ABCA13: variants seen among roughly 807,000 people sequenced by gnomAD.
ABCA13 encodes the protein ATP binding cassette subfamily A member 13.
In ABCA13, 476 loss-of-function variants were observed where a neutral mutation model predicts 478.7. That is an observed-to-expected ratio of 0.99 (90% confidence interval 0.92 to 1.07). The LOEUF (loss-of-function observed/expected upper bound fraction) is 1.07. Among genes scored for constraint, ABCA13 ranks in the 50% least tolerant of loss-of-function variants. The probability of loss-of-function intolerance (pLI) is 0.00; values close to 1 mark genes in which losing one functional copy is unlikely to be tolerated. For synonymous variants in ABCA13, 2,252 were observed against 2,158.9 expected (o/e 1.04, Z -1.20); for missense variants, 6,060 against 5,910.6 (o/e 1.03, Z -0.83).
intron 15 of ABCA13, among the ~76,000 whole-genome samples, chr7:48,259,712 A>G (rs1437933318): frequency 9.2e-6 from 1 of 108,806 alleles, no homozygotes; most frequent in Non-Finnish European, 1.8e-5. Flanking sequence ...TGATCTATAT[A>G]CTTAAGTGTT....
chr7:48,500,330 C>T (rs1022873036), intron 48 of ABCA13, among the ~76,000 whole-genome samples: 10 of 152,104 alleles, frequency 6.6e-5, no homozygotes, highest in Admixed American at 3.3e-4. Context: ...TGCAATTGCT[C>T]CTACCTGCTG....
At chr7:48,331,904 C>T (rs1805463503) in intron 27 of ABCA13, among the ~76,000 whole-genome samples, 1 of 152,204 alleles carries the variant, frequency 6.6e-6, no homozygotes, top group East Asian at 1.9e-4. Context: ...CACCACTCCC[C>T]CGCAAGTCCC....
chr7:48,377,032 C>T (rs573365114), intron 35 of ABCA13, among the ~76,000 whole-genome samples: 1 of 152,156 alleles, frequency 6.6e-6, no homozygotes, highest in African/African-American at 2.4e-5. Context: ...CAGGCAGAGC[C>T]TAAAGGCAGC....
chr7:48,351,973 A>T (rs1360558187), intron 30 of ABCA13, among the ~76,000 whole-genome samples: 1 of 152,202 alleles, frequency 6.6e-6, no homozygotes, highest in Non-Finnish European at 1.5e-5. Context: ...TGGACAGGGA[A>T]TTAAGAGATC....
chr7:48,553,043 C>T (rs1436961206), intron 55 of ABCA13, among the ~76,000 whole-genome samples: 1 of 151,978 alleles, frequency 6.6e-6, no homozygotes, highest in African/African-American at 2.4e-5. Context: ...TAATTTTTAG[C>T]TCCCACAAAT....
intron 19 of ABCA13, among the ~76,000 whole-genome samples, chr7:48,281,986 A>T (rs1797118425): frequency 6.6e-6 from 1 of 152,200 alleles, no homozygotes; most frequent in African/African-American, 2.4e-5. Flanking sequence ...CAGCCGTGGC[A>T]CTTATTGCTG....
intron 29 of ABCA13, among the ~76,000 whole-genome samples, chr7:48,349,194 G>T (rs940800125): frequency 5.3e-5 from 8 of 152,198 alleles, no homozygotes; most frequent in African/African-American, 1.9e-4. Context: ...TTTAGCAAAA[G>T]CTTAATTATC....
chr7:48,294,381 A>G (rs1484513718), intron 20 of ABCA13, among the ~76,000 whole-genome samples: 1 of 150,340 alleles, frequency 6.7e-6, no homozygotes, highest in Non-Finnish European at 1.5e-5. Flanking sequence ...CATTCCTCCC[A>G]AGTTCATCCC....
chr7:48,415,310 A>C (rs1391246963), intron 41 of ABCA13, among the ~76,000 whole-genome samples: 1 of 152,200 alleles, frequency 6.6e-6, no homozygotes, highest in African/African-American at 2.4e-5. Flanking sequence ...AAAGAAAAAT[A>C]AAATAATTTT....
At chr7:48,388,613 C>G (rs562186720) in intron 36 of ABCA13, among the ~76,000 whole-genome samples, 1 of 152,202 alleles carries the variant, frequency 6.6e-6, no homozygotes, top group Non-Finnish European at 1.5e-5. Context: ...AGTCAACATT[C>G]TAATCTAAAC....
chr7:48,366,255 T>G lies in ABCA13; in HGVS notation c.10689-1539T>G, dbSNP rs550814874. Among the ~76,000 whole-genome samples, 3 of 152,190 alleles carry G rather than the reference T, an allele frequency of 2.0e-5. No individual in the cohort carries two copies. The East Asian group carries it at 5.8e-4, about 29-fold the overall frequency. On this transcript the variant is annotated intron_variant, in intron 31 of 61. Transcript: ENST00000435803. ...CTGGTCCTTGCCCTTTTTTTTCCTTTGCCTGGAGCAGTCTTCCTTTAGATA... is the reference window on the plus strand; with the variant it reads ...CTGGTCCTTGCCCTTTTTTTTCCTTGGCCTGGAGCAGTCTTCCTTTAGATA...
At chr7:48,382,609 A>T (rs1814562003) in intron 35 of ABCA13, among the ~76,000 whole-genome samples, 1 of 152,186 alleles carries the variant, frequency 6.6e-6, no homozygotes. Flanking sequence ...AATTAATTGA[A>T]CATCCTGTGT....
chr7:48,284,658 C>T (rs763295044), intron 19 of ABCA13, among the ~76,000 whole-genome samples: 6 of 152,168 alleles, frequency 3.9e-5, no homozygotes, highest in Non-Finnish European at 7.4e-5. Context: ...TTTTGCCATT[C>T]TGTATTGCAG....
intron 29 of ABCA13, among the ~76,000 whole-genome samples, chr7:48,347,220 G>A (rs1236843683): frequency 6.6e-6 from 1 of 152,158 alleles, no homozygotes; most frequent in Admixed American, 6.5e-5. Context: ...ATGTCCAAAG[G>A]AATCACTTTT....
intron 8 of ABCA13, among the ~76,000 whole-genome samples, chr7:48,237,012 G>GTTTTT (rs35078208): frequency 1.5e-5 from 2 of 130,916 alleles, no homozygotes; most frequent in Admixed American, 7.8e-5. Context: ...AGAGGGTAGG[G>GTTTTT]TTTTTTTTTT....
intron 42 of ABCA13, among the ~76,000 whole-genome samples, chr7:48,442,428 T>A (rs1823747559): frequency 6.6e-6 from 1 of 152,200 alleles, no homozygotes; most frequent in Admixed American, 6.5e-5. Context: ...CCTATATTTA[T>A]CCTCTTTCTT....
In ABCA13 at chr7:48,171,648, A is replaced by G. The variant is rs1353162601; in HGVS notation, c.69+96A>G. The G allele has an allele frequency of 2.6e-5, 35 of 1,328,154 alleles. No individual in the cohort carries two copies. In the East Asian group the frequency reaches 8.3e-4, roughly 31 times the overall value. The allele number at this position is 1,328,154 out of a possible 1,614,324, so 82.3% of individuals were successfully genotyped here. A position where few individuals can be genotyped will look rare whatever the true frequency, so the allele number is the denominator to read the frequency against. ...TGCCTGCCTCTGCCTCCTGGCAGGT[A>G]AAAACACTCATGCTGCAGGGAATTT... On this transcript the variant is annotated intron_variant, in intron 1 of 61. Coordinates refer to ENST00000435803, the MANE Select transcript of ABCA13 (RefSeq NM_152701.5).
chr7:48,413,089 G>T (rs1021600958), intron 41 of ABCA13, among the ~76,000 whole-genome samples: 5 of 152,066 alleles, frequency 3.3e-5, no homozygotes, highest in Admixed American at 2.0e-4. Context: ...GGGATTACAG[G>T]TGTGAGCCCA....
At chr7:48,577,349 T>C (rs537882516) in intron 55 of ABCA13, among the ~76,000 whole-genome samples, 7 of 152,186 alleles carry the variant, frequency 4.6e-5, no homozygotes, top group Non-Finnish European at 1.0e-4. Context: ...CCTAGTGAGA[T>C]TATCCATGAA....
Sources: allele counts gnomAD v4.1 joint callset (sites outside exome capture counted in the v4.1 genomes callset), GRCh38; gene constraint gnomAD v4.1.1; transcripts MANE v1.5; gene names NCBI Gene and HGNC (gene_info 2026-07-23, HGNC 2026-07-21).